TGDS: variants seen among roughly 807,000 people sequenced by gnomAD.
The protein encoded by TGDS is TDP-glucose 4,6-dehydratase, also known as UDP-D-glucose 4,6-dehydratase.
In TGDS, 47 loss-of-function variants were observed where a neutral mutation model predicts 52.3. That is an observed-to-expected ratio of 0.90 (90% CI 0.71 to 1.15). The LOEUF is 1.15. Among genes scored for constraint, TGDS ranks in the 50% most tolerant of loss-of-function variants. The probability of loss-of-function intolerance (pLI) is 0.00; values close to 1 mark genes in which losing one functional copy is unlikely to be tolerated. For missense variants in TGDS, 375 were observed against 418.4 expected, an observed-to-expected ratio of 0.90 and a Z score of 0.90; for synonymous variants, 115 against 136.9, an observed-to-expected ratio of 0.84 and a Z score of 1.12.
intron 10 of TGDS, among the ~76,000 whole-genome samples, chr13:94,577,118 A>G (rs1475431348): frequency 6.6e-6 from 1 of 151,478 alleles, no homozygotes; most frequent in Non-Finnish European, 1.5e-5. Flanking sequence ...AAAAAAAAAG[A>G]TGTTATTATC....
At chr13:94,585,667 G>A (rs1888951246) in intron 4 of TGDS, among the ~76,000 whole-genome samples, 1 of 152,014 alleles carries the variant, frequency 6.6e-6, no homozygotes. Context: ...GGGCGTGGTG[G>A]CACACGCCTG....
chr13:94,578,704 T>C, intron 8 of TGDS, 26 bp downstream of exon 8: 3 of 1,509,118 alleles, frequency 2.0e-6, no homozygotes, highest in Non-Finnish European at 2.7e-6. Context: ...GAAAAGCATA[T>C]GGGTAAAAAG....
At chr13:94,583,031 G>A in intron 5 of TGDS, 63 bp downstream of exon 5, 1 of 1,562,176 alleles carries the variant, frequency 6.4e-7, no homozygotes. Flanking sequence ...CCCAGTGTAG[G>A]TTTAATAAAA....
intron 4 of TGDS, among the ~76,000 whole-genome samples, chr13:94,588,023 CAGAA>C (rs1889059068): frequency 2.8e-5 from 4 of 141,882 alleles, no homozygotes; most frequent in African/African-American, 5.2e-5. Flanking sequence ...AAAAAAGAGA[CAGAA>C]AGAGCACTAC....
At chr13:94,582,186 G>A (rs1477991193) in intron 5 of TGDS, among the ~76,000 whole-genome samples, 9 of 143,734 alleles carry the variant, frequency 6.3e-5, no homozygotes, top group Non-Finnish European at 9.1e-5. Context: ...CAATAAGAGC[G>A]AAACTCCCAT....
intron 3 of TGDS, 27 bp downstream of exon 3, chr13:94,592,214 G>T (rs369769312): frequency 2.6e-6 from 4 of 1,537,120 alleles, no homozygotes; most frequent in Non-Finnish European, 3.5e-6. Flanking sequence ...AAAGAGGCAC[G>T]GTACAGTTAC....
At chr13:94,593,133 A>C (rs533829653) in intron 2 of TGDS, among the ~76,000 whole-genome samples, 6 of 152,260 alleles carry the variant, frequency 3.9e-5, no homozygotes, top group Non-Finnish European at 8.8e-5. Flanking sequence ...CAGCCTGGCA[A>C]CAGAGTGAGA....
In TGDS at chr13:94,577,374, T is replaced by C; in HGVS notation, c.881A>G (p.Asp294Gly). ...AAGGTTTTAACTTGTTACTCACCTA[T>C]CATTAACATAATCAACCCAATTTTC... ...EMENWVDYVNDRPTNDMRYPM... is the reference protein window; with the variant it reads ...EMENWVDYVNGRPTNDMRYPM... The change falls in exon 10 of 12, where the codon GAT becomes GGT. Residue 294 changes from aspartate to glycine, a missense_variant. Transcript: ENST00000261296. The C allele has an allele frequency of 1.9e-6, 3 of 1,572,342 alleles. No homozygotes were observed. The highest frequency in any genetic ancestry group is 2.6e-6 in the Non-Finnish European group (3 of 1,163,988).
rs1889026640 is a variant in TGDS at position 94,587,308 on chromosome 13, T to C, written c.313+3545A>G. On this transcript the variant is annotated intron_variant, in intron 4 of 11. Transcript: ENST00000261296. ...TCATTATATAGAAAACAAACACGCA[T>C]AAGAAAAGATCAACAATGTCAAAGA... Among the ~76,000 whole-genome samples the C allele has an allele frequency of 2.0e-5, 3 of 152,036 alleles. No individual in the cohort carries two copies. In the South Asian group the frequency reaches 6.2e-4, roughly 32 times the overall value.
chr13:94,574,570 G>T lies in TGDS; in HGVS notation c.*212C>A. 1 of 491,410 alleles carries T rather than the reference G, an allele frequency of 2.0e-6. No individual in the cohort carries two copies. Among genetic ancestry groups the T allele is most frequent in the Non-Finnish European group, 3.6e-6 (1 of 279,310 alleles). The allele number at this position is 491,410 out of a possible 1,614,324, so 30.4% of individuals were successfully genotyped here. ...TTATTTCCTAGTTTCTAGGAGAAAG[G>T]GTTTCAGAAAGAATTTTGACATTTA... On this transcript the variant is annotated 3_prime_UTR_variant, in exon 12 of 12. Coordinates refer to ENST00000261296, the MANE Select transcript of TGDS (RefSeq NM_014305.4).
At chr13:94,591,235 A>G (rs1889193086) in intron 3 of TGDS, among the ~76,000 whole-genome samples, 1 of 152,222 alleles carries the variant, frequency 6.6e-6, no homozygotes, top group South Asian at 2.1e-4. Flanking sequence ...AGGCCACTAT[A>G]TTAATACAAA....
At chr13:94,584,176 CAG>C in intron 4 of TGDS, among the ~76,000 whole-genome samples, 1 of 152,264 alleles carries the variant, frequency 6.6e-6, no homozygotes, top group South Asian at 2.1e-4. Context: ...CCCTCTAACC[CAG>C]AGTTATGGGC....
rs898635360 is a variant in TGDS at position 94,586,755 on chromosome 13, T to C, written c.314-3519A>G. On this transcript the variant is annotated intron_variant, in intron 4 of 11. Transcript: ENST00000261296. ...GATGAGAGAAGAAATCAAATTATTTTTTTTTTTTTTTTTTTTTTTTTGAGA... is the reference window on the plus strand; with the variant it reads ...GATGAGAGAAGAAATCAAATTATTTCTTTTTTTTTTTTTTTTTTTTTGAGA... 1.5e-3 allele frequency among the ~76,000 whole-genome samples: 100 copies of C among 67,386 alleles called. 10 individuals carry two copies. The highest frequency in any genetic ancestry group is 2.7e-3 in the African/African-American group (17 of 6,282). The allele number at this position is 67,386 out of a possible 152,430, so 44.2% of individuals were successfully genotyped here. A position where few individuals can be genotyped will look rare whatever the true frequency, so the allele number is the denominator to read the frequency against.
intron 6 of TGDS, among the ~76,000 whole-genome samples, chr13:94,580,239 G>A (rs541880557): frequency 2.2e-4 from 34 of 152,248 alleles, no homozygotes; most frequent in African/African-American, 7.0e-4. Flanking sequence ...AGCAAAACAC[G>A]GAAGAACTTT....
Position 94,574,504 on chromosome 13 carries a change from A to C in TGDS, c.*278T>G. ...CCCTCATGGTTGTCCGAATCAGGAG[A>C]CTTCTTCCTGGCTACCCTTAGGGAG... is the stretch of plus-strand genomic sequence containing the variant. On this transcript the variant is annotated 3_prime_UTR_variant, in exon 12 of 12. Coordinates refer to ENST00000261296, the MANE Select transcript of TGDS (RefSeq NM_014305.4). 1 of 292,526 alleles carries C rather than the reference A, an allele frequency of 3.4e-6. No homozygotes were observed. The highest frequency in any genetic ancestry group is 6.3e-6 in the Non-Finnish European group (1 of 158,836). 18.1% of individuals were successfully genotyped at this position (292,526 alleles called of 1,614,324 possible).
chr13:94,574,678 C>A lies in TGDS; in HGVS notation c.*104G>T. The A allele has an allele frequency of 1.6e-6, 1 of 633,606 alleles. No homozygotes were observed. The highest frequency in any genetic ancestry group is 1.9e-5 in the African/African-American group (1 of 53,778). The allele number at this position is 633,606 out of a possible 1,614,324, so 39.2% of individuals were successfully genotyped here. ...TATACAGAAAGTCATGAATCTAATT[C>A]CAAAAGAAAAGAGTGCACTTCATTT... On this transcript the variant is annotated 3_prime_UTR_variant, in exon 12 of 12. Transcript: ENST00000261296.
Position 94,574,795 on chromosome 13 carries a change from G to T in TGDS, c.1040C>A (p.Pro347His). 3.1e-6 allele frequency: 5 copies of T among 1,602,530 alleles called. No homozygotes were observed. The highest frequency in any genetic ancestry group is 1.1e-5 in the South Asian group (1 of 90,406). Residue 347 changes from proline to histidine, a missense_variant, in exon 12 of 12, where the codon CCC becomes CAC. Pro to His is a moderately conservative substitution (Grantham distance 77, BLOSUM62 -2). Coordinates refer to ENST00000261296, the MANE Select transcript of TGDS (RefSeq NM_014305.4). ...TATAAATGGTGATTATACCGGAAAG[G>T]GTTCTAATGCCTTTTCCACATTCTT... ...NWKNVEKALE[P>H]FPV is the part of the protein sequence containing the mutation.
intron 10 of TGDS, 79 bp from the exon 11 acceptor site, chr13:94,576,490 G>A: frequency 1.1e-6 from 1 of 946,686 alleles, no homozygotes; most frequent in Non-Finnish European, 1.5e-6. Flanking sequence ...ATGTGTTTAT[G>A]CATTTTTACC....
intron 3 of TGDS, 51 bp from the exon 4 acceptor site, chr13:94,590,994 A>C: frequency 7.7e-6 from 10 of 1,303,642 alleles, no homozygotes; most frequent in Non-Finnish European, 8.5e-6. Flanking sequence ...CAGCACTCTC[A>C]TTCATAACCA....
Sources: allele counts gnomAD v4.1 joint callset (sites outside exome capture counted in the v4.1 genomes callset), GRCh38; gene constraint gnomAD v4.1.1; transcripts MANE v1.5; gene names NCBI Gene and HGNC (gene_info 2026-07-23, HGNC 2026-07-21).